The following PCDHAC2 variants were observed in gnomAD, a reference collection of about 807,000 sequenced individuals.
PCDHAC2 encodes the protein protocadherin alpha-C2.
PCDHAC2 carries 24 observed loss-of-function variants against 63.3 expected under a neutral mutation model. The ratio of observed to expected loss-of-function variants is 0.38; its 90% confidence interval spans 0.27 to 0.53. The LOEUF is 0.53. Among genes scored for constraint, PCDHAC2 ranks in the 20% least tolerant of loss-of-function variants. The probability of loss-of-function intolerance (pLI) is 0.81; values close to 1 mark genes in which losing one functional copy is unlikely to be tolerated. For synonymous variants in PCDHAC2, 569 were observed against 529.4 expected (o/e 1.07, Z -1.03); for missense variants, 1,181 against 1,275.2 (o/e 0.93, Z 1.12).
chr5:140,972,316 GT>G (rs112435719), intron 1 of PCDHAC2, among the ~76,000 whole-genome samples: 1,932 of 139,568 alleles, frequency 0.014, 18 homozygotes, highest in African/African-American at 0.036. Context: ...GTTTTTAGGT[GT>G]TTTTTTTTTT....
Position 140,966,593 on chromosome 5 carries a change from A to G in PCDHAC2, c.-174A>G. On this transcript the variant is annotated 5_prime_UTR_variant, in exon 1 of 4. Coordinates refer to ENST00000289269, the MANE Select transcript of PCDHAC2 (RefSeq NM_018899.6). Reference sequence around the variant, plus strand: ...GGGAGTCAGCGAGGACGGTGGGGCCAGGAGCCCTTGGGAGGGCCTACGGAG... The same window carrying G: ...GGGAGTCAGCGAGGACGGTGGGGCCGGGAGCCCTTGGGAGGGCCTACGGAG... 1 of 595,648 alleles carries G rather than the reference A, an allele frequency of 1.7e-6. No homozygotes were observed. Among genetic ancestry groups the G allele is most frequent in the Non-Finnish European group, 2.6e-6 (1 of 379,140 alleles). The allele number at this position is 595,648 out of a possible 1,614,324, so 36.9% of individuals were successfully genotyped here.
chr5:140,967,485 C>A lies in PCDHAC2; in HGVS notation c.719C>A (p.Thr240Lys), dbSNP rs781948599. 3.7e-6 allele frequency: 6 copies of A among 1,613,056 alleles called. No homozygotes were observed. In the South Asian group the frequency reaches 6.6e-5, roughly 18 times the overall value. The change falls in exon 1 of 4, where the codon ACG becomes AAG. Residue 240 changes from threonine (T) to lysine (K), a missense_variant. By Grantham distance (78) the Thr-to-Lys change is moderately conservative (BLOSUM62 -1). Coordinates refer to ENST00000289269, the MANE Select transcript of PCDHAC2 (RefSeq NM_018899.6). ...GGGGGCATCCCAGCCCGCTCGGGTA[C>A]GGCACAGATCTCTGTGCGTGTCCTG... ...VDGGIPARSG[T>K]AQISVRVLDT...
At chr5:140,987,592 G>A (rs150671243) in intron 3 of PCDHAC2, among the ~76,000 whole-genome samples, 29 of 152,290 alleles carry the variant, frequency 1.9e-4, no homozygotes, top group Admixed American at 1.6e-3. Context: ...GAGAATAGTG[G>A]TGTCTACCTT....
chr5:141,000,359 CTG>C (rs1554257257), intron 3 of PCDHAC2, among the ~76,000 whole-genome samples: 2 of 78,146 alleles, frequency 2.6e-5, no homozygotes, highest in South Asian at 4.6e-4. Context: ...CTGTCTCTCT[CTG>C]TCTCTCTCTC....
chr5:140,984,644 C>T (rs969349039), intron 3 of PCDHAC2, among the ~76,000 whole-genome samples: 20 of 152,136 alleles, frequency 1.3e-4, no homozygotes, highest in African/African-American at 4.3e-4. Context: ...CTGCCTTCTC[C>T]CTGTCCTTCT....
At chr5:140,992,605 A>C (rs2097521923) in intron 3 of PCDHAC2, among the ~76,000 whole-genome samples, 1 of 152,166 alleles carries the variant, frequency 6.6e-6, no homozygotes, top group South Asian at 2.1e-4. Flanking sequence ...TCTGTGTCTA[A>C]GTGAAAGCAG....
intron 1 of PCDHAC2, chr5:140,969,627 G>A: frequency 1.5e-6 from 1 of 664,866 alleles, no homozygotes; most frequent in Non-Finnish European, 2.5e-6. Flanking sequence ...AGAGAAACAG[G>A]ACAGGCCTTG....
chr5:140,998,158 T>C (rs1306702034), intron 3 of PCDHAC2, among the ~76,000 whole-genome samples: 1 of 152,232 alleles, frequency 6.6e-6, no homozygotes, highest in Non-Finnish European at 1.5e-5. Context: ...AGTTAAGCCA[T>C]GTGCCAAGTA....
rs71583613 is a variant in PCDHAC2 at position 141,001,265 on chromosome 5, T to G, written c.2714-8362T>G. 5.1e-4 allele frequency among the ~76,000 whole-genome samples: 78 copies of G among 152,286 alleles called. No individual in the cohort carries two copies. In the Middle Eastern group the frequency reaches 0.01, roughly 20 times the overall value. On this transcript the variant is annotated intron_variant, in intron 3 of 3. Transcript: ENST00000289269. ...CAACCCTATGGGGCGGGCACTCTTATGAACTTTTTTTACGGATGAAAACTG... is the reference window on the plus strand; with the variant it reads ...CAACCCTATGGGGCGGGCACTCTTAGGAACTTTTTTTACGGATGAAAACTG...
In PCDHAC2 at chr5:141,009,914, A is replaced by T; in HGVS notation, c.3001A>T (p.Thr1001Ser). The change falls in exon 4 of 4, where the codon ACG (threonine) becomes TCG (serine). Residue 1001 changes from threonine (T) to serine (S), a missense_variant. Thr to Ser is a moderately conservative substitution (Grantham distance 58). Coordinates refer to ENST00000289269, the MANE Select transcript of PCDHAC2 (RefSeq NM_018899.6). ...GGAGAAAAAAGAGAAAGGGAACAGCACGACTGACAACAGTGACCAGTGAGG... is the reference window on the plus strand; with the variant it reads ...GGAGAAAAAAGAGAAAGGGAACAGCTCGACTGACAACAGTGACCAGTGAGG... ...TQEKKEKGNSTTDNSDQ is the reference protein window; with the variant it reads ...TQEKKEKGNSSTDNSDQ The T allele has an allele frequency of 6.2e-7, 1 of 1,611,466 alleles. No homozygotes were observed. The highest frequency in any genetic ancestry group is 8.5e-7 in the Non-Finnish European group (1 of 1,179,328).
At chr5:140,999,215 C>T (rs1290752092) in intron 3 of PCDHAC2, among the ~76,000 whole-genome samples, 1 of 152,140 alleles carries the variant, frequency 6.6e-6, no homozygotes, top group South Asian at 2.1e-4. Context: ...TCTGGAAGTA[C>T]TACATTTGAG....
At chr5:140,986,981 A>G (rs1180752989) in intron 3 of PCDHAC2, among the ~76,000 whole-genome samples, 1 of 152,146 alleles carries the variant, frequency 6.6e-6, no homozygotes, top group Non-Finnish European at 1.5e-5. Flanking sequence ...TGGGAGGCCA[A>G]GGCAGGCAGA....
chr5:140,986,737 G>A (rs1183806071), intron 3 of PCDHAC2, among the ~76,000 whole-genome samples: 1 of 152,192 alleles, frequency 6.6e-6, no homozygotes, highest in African/African-American at 2.4e-5. Flanking sequence ...CAAGACCCCA[G>A]GGGATCTGGG....
intron 3 of PCDHAC2, among the ~76,000 whole-genome samples, chr5:140,983,182 C>G (rs782457174): frequency 1.3e-5 from 2 of 152,188 alleles, no homozygotes; most frequent in Non-Finnish European, 2.9e-5. Flanking sequence ...CTCACAATTT[C>G]TTAGTTTAGA....
chr5:140,983,924 A>G (rs1554245819), intron 3 of PCDHAC2, among the ~76,000 whole-genome samples: 1 of 152,216 alleles, frequency 6.6e-6, no homozygotes, highest in African/African-American at 2.4e-5. Flanking sequence ...AGGATTTGCT[A>G]TTTATGGATG....
rs2098420803 is a variant in PCDHAC2, at chr5:141,011,492, A to G, written c.*1555A>G. 1 of 153,698 alleles carries G rather than the reference A, an allele frequency of 6.5e-6. No individual in the cohort carries two copies. Among genetic ancestry groups the G allele is most frequent in the African/African-American group, 2.4e-5 (1 of 41,432 alleles). 9.5% of individuals were successfully genotyped at this position (153,698 alleles called of 1,614,324 possible). A position where few individuals can be genotyped will look rare whatever the true frequency, so the allele number is the denominator to read the frequency against. On this transcript the variant is annotated 3_prime_UTR_variant, in exon 4 of 4. Transcript: ENST00000289269. ...AATTCCATTATATTTCCTTTTGTAC[A>G]CCTGTGAAAAAGTGGAGTAGTGTTT... is the stretch of plus-strand genomic sequence containing the variant.
In PCDHAC2 at chr5:140,966,736, T is replaced by A; in HGVS notation, c.-31T>A. ...CTGGGGAAGCTGCCGCCTCCGGCCC[T>A]GCCCGGCTGCCTCCGCCGCGGCCAG... On this transcript the variant is annotated 5_prime_UTR_variant, in exon 1 of 4. Transcript: ENST00000289269. 1 of 1,418,140 alleles carries A rather than the reference T, an allele frequency of 7.1e-7. No homozygotes were observed. Among genetic ancestry groups the A allele is most frequent in the Non-Finnish European group, 9.2e-7 (1 of 1,091,964 alleles). The allele number at this position is 1,418,140 out of a possible 1,614,324, so 87.8% of individuals were successfully genotyped here. A position where few individuals can be genotyped will look rare whatever the true frequency, so the allele number is the denominator to read the frequency against.
At chr5:140,969,592 A>G (rs547411191) in intron 1 of PCDHAC2, 72 of 829,536 alleles carry the variant, frequency 8.7e-5, no homozygotes, top group Middle Eastern at 3.7e-4. Context: ...TAGTCTTAAT[A>G]TTTAATGCTA....
intron 3 of PCDHAC2, among the ~76,000 whole-genome samples, chr5:140,990,502 A>T (rs1303617067): frequency 6.6e-6 from 1 of 152,164 alleles, no homozygotes; most frequent in African/African-American, 2.4e-5. Context: ...ACATTCCCCA[A>T]GTCTTCTCTC....
Sources: allele counts gnomAD v4.1 joint callset (sites outside exome capture counted in the v4.1 genomes callset), GRCh38; gene constraint gnomAD v4.1.1; transcripts MANE v1.5; gene names NCBI Gene and HGNC (gene_info 2026-07-23, HGNC 2026-07-21).